Variants in SRCIN1 observed in about 807,000 individuals in gnomAD.
SRCIN1 encodes the protein SRC kinase signaling inhibitor 1, also known as P130Cas-associated protein.
In SRCIN1, 50 loss-of-function variants were observed where a neutral mutation model predicts 116.2. The ratio of observed to expected loss-of-function variants is 0.43; its 90% CI spans 0.34 to 0.54. SRCIN1 has a LOEUF of 0.54. SRCIN1 is among the 20% of genes least tolerant of loss of function. The pLI is 0.02. For synonymous variants in SRCIN1, 736 were observed against 750.0 expected, an observed-to-expected ratio of 0.98 and a Z score of 0.30; for missense variants, 1,446 against 1,672.0, an observed-to-expected ratio of 0.86 and a Z score of 2.36.
Position 38,562,751 on chromosome 17 carries a change from G to T in SRCIN1, c.834+76C>A. 1 of 1,337,178 alleles carries T rather than the reference G, an allele frequency of 7.5e-7. No homozygotes were observed. The highest frequency in any genetic ancestry group is 1.3e-5 in the South Asian group (1 of 79,322). 82.8% of individuals were successfully genotyped at this position (1,337,178 alleles called of 1,614,324 possible). A position where few individuals can be genotyped will look rare whatever the true frequency, so the allele number is the denominator to read the frequency against. On this transcript the variant is annotated intron_variant, in intron 6 of 18. Coordinates refer to ENST00000617146, the MANE Select transcript of SRCIN1 (RefSeq NM_025248.3). This position sits in a 1 kb window ranked among gnomAD's most constrained non-coding sequence, Gnocchi z 4.2. The stretch of plus-strand genomic sequence containing the variant: ...TCCAAAGCTGGCCCTGGTTCCAGAT[G>T]ACAACTGCCCAGACCCTGCTCCCCT...
rs1597870771 is a variant in SRCIN1, at chr17:38,531,335, C to A, written c.*1962G>T. The A allele has an allele frequency of 6.6e-6, 1 of 151,082 alleles. No homozygotes were observed. Among genetic ancestry groups the A allele is most frequent in the South Asian group, 2.1e-4 (1 of 4,802 alleles). The allele number at this position is 151,082 out of a possible 1,614,324, so 9.4% of individuals were successfully genotyped here. ...CACAGAAGCCAGGCCGACGTGCCCG[C>A]CCCCCAGCCCCCCTCCCCCGCCAAA... On this transcript the variant is annotated 3_prime_UTR_variant, in exon 19 of 19. Coordinates refer to ENST00000617146, the MANE Select transcript of SRCIN1 (RefSeq NM_025248.3).
chr17:38,540,897 T>G (rs923322238), intron 18 of SRCIN1, among the ~76,000 whole-genome samples: 1 of 152,158 alleles, frequency 6.6e-6, no homozygotes, highest in African/African-American at 2.4e-5. Flanking sequence ...ATGTTGGTAG[T>G]GAGACATCGA....
intron 17 of SRCIN1, 66 bp downstream of exon 17, chr17:38,548,490 TG>T (rs1466701814): frequency 1.1e-5 from 18 of 1,586,732 alleles, no homozygotes; most frequent in Non-Finnish European, 1.4e-5. Context: ...TCACCTGGCC[TG>T]GGGGGCAGCC....
At chr17:38,547,070 G>A (rs1218256250) in intron 17 of SRCIN1, among the ~76,000 whole-genome samples, 1 of 152,228 alleles carries the variant, frequency 6.6e-6, no homozygotes, top group Non-Finnish European at 1.5e-5. Context: ...AGTGCAGCAG[G>A]ACAGCAGCAA....
intron 1 of SRCIN1, among the ~76,000 whole-genome samples, chr17:38,593,581 C>T (rs1385259362): frequency 1.3e-5 from 2 of 152,136 alleles, no homozygotes; most frequent in African/African-American, 2.4e-5. Context: ...CAGTCAGCAG[C>T]AGTGAGCTCA....
At chr17:38,590,408 G>T (rs1345256752) in intron 1 of SRCIN1, among the ~76,000 whole-genome samples, 1 of 152,164 alleles carries the variant, frequency 6.6e-6, no homozygotes, top group Non-Finnish European at 1.5e-5. Context: ...GCTAATTTTT[G>T]TATTCTTAAT....
chr17:38,542,959 C>G, intron 18 of SRCIN1: 1 of 410,258 alleles, frequency 2.4e-6, no homozygotes, highest in Admixed American at 2.6e-5. Context: ...CAGAATGGGC[C>G]TGTCATACAG....
Position 38,561,545 on chromosome 17 carries a change from G to C in SRCIN1, c.1618C>G (p.Pro540Ala), listed in dbSNP as rs780278374. ...CCAGGCCCAGGGAAGAGCTCCGAAG[G>C]GGGAGCTCCGGCCGTCGAGGCGCTC... is the stretch of plus-strand genomic sequence containing the variant. Reference protein sequence around the residue: ...AGSASTAGAPPSELFPGPGER... With the variant: ...AGSASTAGAPASELFPGPGER... Residue 540 changes from proline to alanine, a missense_variant, in exon 7 of 19, where the codon CCT (proline) becomes GCT (alanine). Pro to Ala is a conservative substitution (Grantham distance 27). Coordinates refer to ENST00000617146, the MANE Select transcript of SRCIN1 (RefSeq NM_025248.3). 3 of 1,601,060 alleles carry C rather than the reference G, an allele frequency of 1.9e-6. No homozygotes were observed. The Admixed American group carries it at 5.0e-5, about 27-fold the overall frequency.
intron 3 of SRCIN1, among the ~76,000 whole-genome samples, chr17:38,566,586 C>T (rs926165282): frequency 2.7e-4 from 41 of 152,162 alleles, no homozygotes; most frequent in African/African-American, 9.7e-4. Flanking sequence ...CTGAGATTCC[C>T]AGAGGTTGTC....
chr17:38,537,554 G>T (rs1176845777), intron 18 of SRCIN1, among the ~76,000 whole-genome samples: 2 of 152,046 alleles, frequency 1.3e-5, no homozygotes, highest in African/African-American at 4.8e-5. Context: ...CACTTTGGGA[G>T]GCCGAGGCGG....
intron 1 of SRCIN1, among the ~76,000 whole-genome samples, chr17:38,588,480 G>A (rs1363622949): frequency 6.6e-6 from 1 of 152,218 alleles, no homozygotes; most frequent in Non-Finnish European, 1.5e-5. Flanking sequence ...AGAGGCAGCC[G>A]AGGGGAACAC....
In SRCIN1 at chr17:38,562,878, C is replaced by T. The variant is rs373943396; in HGVS notation, c.783G>A (p.Glu261=). 3 of 1,613,816 alleles carry T rather than the reference C, an allele frequency of 1.9e-6. No individual in the cohort carries two copies. The highest frequency in any genetic ancestry group is 1.3e-5 in the African/African-American group (1 of 75,032). The change falls in exon 6 of 19, where the codon GAG becomes GAA. Residue 261 remains glutamate (E), a synonymous_variant. Coordinates refer to ENST00000617146, the MANE Select transcript of SRCIN1 (RefSeq NM_025248.3). This position sits in a 1 kb window ranked among gnomAD's most constrained non-coding sequence, Gnocchi z 4.2. Reference sequence around the variant, plus strand: ...AGCCAGGGAAGGCAGCGTAGAGGGGCTCCTTTCTGTAGATCTTGATAATAC... The same window carrying T: ...AGCCAGGGAAGGCAGCGTAGAGGGGTTCCTTTCTGTAGATCTTGATAATAC... ...DRSIIKIYRK[E]PLYAAFPGSH...
At chr17:38,559,908 G>A (rs1906114387) in intron 9 of SRCIN1, 136 bp from the exon 10 acceptor site, 4 of 1,366,998 alleles carry the variant, frequency 2.9e-6, no homozygotes, top group Non-Finnish European at 4.0e-6. Flanking sequence ...GCCCCAAGTG[G>A]TCAGCCCTAA....
Position 38,559,572 on chromosome 17 carries a change from G to T in SRCIN1, c.2025+13C>A. On this transcript the variant is annotated intron_variant, in intron 10 of 18. Coordinates refer to ENST00000617146, the MANE Select transcript of SRCIN1 (RefSeq NM_025248.3). ...TGGGCGTTGGTGGGGCGGGGCCCAG[G>T]ACGGGGCGGTACCTGGAGCTTGCGC... 6.3e-7 allele frequency: 1 copy of T among 1,596,640 alleles called. No homozygotes were observed. The highest frequency in any genetic ancestry group is 8.5e-7 in the Non-Finnish European group (1 of 1,178,550).
At chr17:38,550,611 C>T (rs909123589) in intron 15 of SRCIN1, among the ~76,000 whole-genome samples, 1 of 152,174 alleles carries the variant, frequency 6.6e-6, no homozygotes, top group Non-Finnish European at 1.5e-5. Flanking sequence ...CAGTGTTATT[C>T]CCCCCACTAA....
chr17:38,596,002 C>T (rs1038458523), intron 1 of SRCIN1, among the ~76,000 whole-genome samples: 5 of 152,140 alleles, frequency 3.3e-5, no homozygotes, highest in South Asian at 2.1e-4. Flanking sequence ...CATCTGACTA[C>T]GGAGAGCTGG....
In SRCIN1 at chr17:38,581,647, C is replaced by CA. The variant is rs1907830084; in HGVS notation, c.23-2857dup. 5.3e-5 allele frequency among the ~76,000 whole-genome samples: 8 copies of CA among 152,046 alleles called. No homozygotes were observed. The South Asian group carries it at 1.7e-3, about 32-fold the overall frequency. Reference sequence around the variant, plus strand: ...AAACGTATATTGCATTAGTACAGTACAAAAGGTTTCCTGATATGATGGTAA... The same window carrying CA: ...AAACGTATATTGCATTAGTACAGTACAAAAAGGTTTCCTGATATGATGGTAA... On this transcript the variant is annotated intron_variant, in intron 1 of 18. Transcript: ENST00000617146.
chr17:38,598,492 G>A lies in SRCIN1; in HGVS notation c.22+7192C>T, dbSNP rs185721084. ...CAGAAACAGCTAGGCTCTTTCTGTG[G>A]GGTCTCTGGGTCTGGGGTCTCTCTA... is the stretch of plus-strand genomic sequence containing the variant. On this transcript the variant is annotated intron_variant, in intron 1 of 18. Coordinates refer to ENST00000617146, the MANE Select transcript of SRCIN1 (RefSeq NM_025248.3). 3.5e-4 allele frequency among the ~76,000 whole-genome samples: 54 copies of A among 152,286 alleles called. 1 individual carries two copies. The highest frequency in any genetic ancestry group is 3.4e-3 in the Admixed American group (52 of 15,298).
At position 38,538,974 on chromosome 17, in the gene SRCIN1, C is replaced by T. The variant is rs540053291; in HGVS notation, c.3417+4849G>A. 1.8e-4 allele frequency among the ~76,000 whole-genome samples: 28 copies of T among 152,310 alleles called. 1 individual carries two copies. Among genetic ancestry groups the T allele is most frequent in the South Asian group, 8.3e-4 (4 of 4,820 alleles). ...GATGCCAACAGGGTGTAAGACCCGG[C>T]GCCCAACACCCTCAGTACACATGCA... On this transcript the variant is annotated intron_variant, in intron 18 of 18. Transcript: ENST00000617146.
Sources: allele counts gnomAD v4.1 joint callset (sites outside exome capture counted in the v4.1 genomes callset), GRCh38; gene constraint gnomAD v4.1.1; non-coding constraint Gnocchi (gnomAD v3.1); transcripts MANE v1.5; gene names NCBI Gene and HGNC (gene_info 2026-07-23, HGNC 2026-07-21).